NLRP5: variants seen among roughly 807,000 people sequenced by gnomAD.
NLRP5 encodes the protein NLR family pyrin domain containing 5, also known as NACHT, LRR and PYD domains-containing protein 5.
Under a neutral mutation model 113.1 loss-of-function variants are expected in NLRP5, and 93 were observed. That is an observed-to-expected ratio of 0.82 (90% CI 0.70 to 0.98). NLRP5 has a LOEUF of 0.98. Ranked by LOEUF, NLRP5 falls within the 50% of genes least tolerant of loss-of-function variation. The pLI, the probability that NLRP5 is intolerant of heterozygous loss-of-function variation, is 0.00. For missense variants in NLRP5, 1,808 were observed against 1,514.3 expected, an observed-to-expected ratio of 1.19 and a Z score of -3.22; for synonymous variants, 751 against 600.7, an observed-to-expected ratio of 1.25 and a Z score of -3.66.
intron 11 of NLRP5, among the ~76,000 whole-genome samples, chr19:56,049,878 T>A (rs1285409184): frequency 6.6e-6 from 1 of 152,142 alleles, no homozygotes; most frequent in Non-Finnish European, 1.5e-5. Flanking sequence ...AATCCATTGC[T>A]GGTGAACTAG....
upstream of NLRP5, among the ~76,000 whole-genome samples, chr19:55,996,244 A>C (rs932417957): frequency 1.9e-4 from 29 of 152,178 alleles, no homozygotes; most frequent in Admixed American, 1.8e-3. Context: ...CTTCTTTTCC[A>C]CATTCAGTAT....
chr19:56,050,600 A>G lies in NLRP5; in HGVS notation c.3128+12A>G, dbSNP rs1382350545. 4.3e-6 allele frequency: 7 copies of G among 1,611,852 alleles called. No individual in the cohort carries two copies. The highest frequency in any genetic ancestry group is 2.2e-5 in the South Asian group (2 of 90,912). ...CTCCAGGACCTGGAGTGAGTTTCCC[A>G]TGGGCGTTGGGTCAACTCTATCATA... On this transcript the variant is annotated intron_variant, in intron 12 of 14. Transcript: ENST00000390649.
rs1555770466 is a variant in NLRP5, at chr19:56,048,979, A to AAAT, written c.2958-1439_2958-1438insAAT. Among the ~76,000 whole-genome samples, 630 of 94,922 alleles carry AAAT rather than the reference A, an allele frequency of 6.6e-3. 22 individuals carry two copies. The highest frequency in any genetic ancestry group is 0.026 in the Admixed American group (191 of 7,410). 62.3% of individuals were successfully genotyped at this position (94,922 alleles called of 152,430 possible). ...CTTCAAGCTCTGATTTTTTTTTTTA[A>AAAT]TTTTTTTTTTTTTTTTTTTTGAGAC... On this transcript the variant is annotated intron_variant, in intron 11 of 14. Coordinates refer to ENST00000390649, the MANE Select transcript of NLRP5 (RefSeq NM_153447.4).
At chr19:55,996,848 C>T (rs1245620995), upstream of NLRP5, among the ~76,000 whole-genome samples, 1 of 152,136 alleles carries the variant, frequency 6.6e-6, no homozygotes, top group East Asian at 1.9e-4. Flanking sequence ...TAGGTATATA[C>T]CCAGTAATGA....
chr19:56,035,848 AT>A (rs1466822853), intron 9 of NLRP5, among the ~76,000 whole-genome samples: 2 of 152,154 alleles, frequency 1.3e-5, no homozygotes, highest in Admixed American at 6.6e-5. Flanking sequence ...ATTGGGCCAC[AT>A]CGTGAAGGGT....
intron 11 of NLRP5, 133 bp from the exon 12 acceptor site, chr19:56,050,285 A>G: frequency 2.6e-6 from 2 of 780,296 alleles, no homozygotes; most frequent in Admixed American, 3.2e-5. Context: ...TCAAAAAAAA[A>G]AAAGAAAAAA....
chr19:56,035,087 C>T (rs551257236), intron 9 of NLRP5, among the ~76,000 whole-genome samples: 6 of 152,056 alleles, frequency 3.9e-5, no homozygotes, highest in African/African-American at 7.2e-5. Flanking sequence ...TACAGGCACC[C>T]GCCACCATGC....
intron 6 of NLRP5, among the ~76,000 whole-genome samples, chr19:56,024,992 T>C (rs1466540991): frequency 1.3e-5 from 2 of 152,054 alleles, no homozygotes. Context: ...TGGCATTTGG[T>C]TCTTCCAGGA....
chr19:56,037,921 G>A lies in NLRP5; in HGVS notation c.2616-104G>A, dbSNP rs994898492. 47 of 1,191,194 alleles carry A rather than the reference G, an allele frequency of 3.9e-5. No individual in the cohort carries two copies. The Admixed American group carries it at 6.2e-4, about 16-fold the overall frequency. The allele number at this position is 1,191,194 out of a possible 1,614,324, so 73.8% of individuals were successfully genotyped here. A position where few individuals can be genotyped will look rare whatever the true frequency, so the allele number is the denominator to read the frequency against. ...CCGGAGGCAGGAGCAGACAGAGTTC[G>A]AGGACCAGGAAAACGGCCAGCGCTG... On this transcript the variant is annotated intron_variant, in intron 9 of 14. Transcript: ENST00000390649.
chr19:56,019,261 C>G, intron 4 of NLRP5, 81 bp from the exon 5 acceptor site: 1 of 1,455,046 alleles, frequency 6.9e-7, no homozygotes, highest in South Asian at 1.2e-5. Flanking sequence ...TATGGCATGA[C>G]TAAGCTTATC....
At chr19:56,044,116 T>A (rs1203100594) in intron 11 of NLRP5, among the ~76,000 whole-genome samples, 3 of 149,938 alleles carry the variant, frequency 2.0e-5, no homozygotes, top group East Asian at 3.9e-4. Flanking sequence ...CAGGCTGGAG[T>A]GCAGTGGCAC....
intron 13 of NLRP5, among the ~76,000 whole-genome samples, chr19:56,054,531 T>G (rs1473582322): frequency 6.7e-6 from 1 of 148,572 alleles, no homozygotes; most frequent in East Asian, 2.0e-4. Flanking sequence ...GCACTCCAGC[T>G]TGGGTGACAG....
intron 6 of NLRP5, among the ~76,000 whole-genome samples, chr19:56,023,128 C>A (rs181542066): frequency 2.0e-5 from 3 of 152,094 alleles, no homozygotes; most frequent in Non-Finnish European, 4.4e-5. Flanking sequence ...GAAGCCCTCA[C>A]GAAGGAGAGG....
At chr19:56,054,996 T>C (rs1984077812) in intron 13 of NLRP5, among the ~76,000 whole-genome samples, 3 of 62,610 alleles carry the variant, frequency 4.8e-5, no homozygotes, top group South Asian at 5.8e-4. Context: ...CCTCCCCTTT[T>C]TTTTTTTTTT....
chr19:56,025,504 C>T (rs919486938), intron 6 of NLRP5, among the ~76,000 whole-genome samples: 1 of 152,014 alleles, frequency 6.6e-6, no homozygotes, highest in African/African-American at 2.4e-5. Context: ...CTTCTGCGTT[C>T]ATGACTTTCT....
At chr19:56,050,629 G>C in intron 12 of NLRP5, 41 bp downstream of exon 12, 1 of 1,575,766 alleles carries the variant, frequency 6.3e-7, no homozygotes, top group Non-Finnish European at 8.6e-7. Flanking sequence ...TATCATACTG[G>C]GGTCTGGAGT....
chr19:56,003,956 C>T lies in NLRP5; in HGVS notation c.303C>T (p.Ile101=), dbSNP rs536228838. The stretch of plus-strand genomic sequence containing the variant: ...CATGCTCTATTCCACAGTTTGAAAT[C>T]GAGAATGCCAACGTGGAATGTCTGG... The change falls in exon 2 of 15, where the codon ATC becomes ATT. Residue 101 remains isoleucine, a synonymous_variant. Coordinates refer to ENST00000390649, the MANE Select transcript of NLRP5 (RefSeq NM_153447.4). 100 of 1,613,952 alleles carry T rather than the reference C, an allele frequency of 6.2e-5. No homozygotes were observed. In the Middle Eastern group the frequency reaches 1.2e-3, roughly 19 times the overall value.
Position 56,033,671 on chromosome 19 carries a change from A to AGCCTTAAAACACCCAAAAT in NLRP5, c.2579_2597dup (p.Leu868LysfsTer55). The AGCCTTAAAACACCCAAAAT allele has an allele frequency of 6.2e-7, 1 of 1,613,938 alleles. No individual in the cohort carries two copies. Among genetic ancestry groups the AGCCTTAAAACACCCAAAAT allele is most frequent in the Non-Finnish European group, 8.5e-7 (1 of 1,179,842 alleles). ...AAGAGGATGTAAGGATGGCGTGTGA[A>AGCCTTAAAACACCCAAAAT]GCCTTAAAACACCCAAAATGTTTGT... On this transcript the variant is annotated frameshift_variant, in exon 9 of 15. Coordinates refer to ENST00000390649, the MANE Select transcript of NLRP5 (RefSeq NM_153447.4). LOFTEE classifies it high-confidence loss of function.
intron 10 of NLRP5, 73 bp from the exon 11 acceptor site, chr19:56,040,849 C>T (rs306449): frequency 0.054 from 71,810 of 1,328,326 alleles, 2,275 homozygotes; most frequent in South Asian, 0.064. Context: ...CTTTCCCCTC[C>T]TTGTAAAGGA....
Sources: gnomAD v4.1 joint callset for allele counts (sites outside exome capture counted in the v4.1 genomes callset) on GRCh38, gnomAD v4.1.1 for gene constraint, MANE v1.5 for transcripts, NCBI Gene and HGNC (gene_info 2026-07-23, HGNC 2026-07-21) for gene names.